SIRT5: variants seen among roughly 807,000 people sequenced by gnomAD.
SIRT5 encodes NAD-dependent protein deacylase sirtuin-5, mitochondrial.
A neutral mutation model predicts 40.0 loss-of-function variants in SIRT5; 26 were observed. The ratio of observed to expected loss-of-function variants is 0.65; its 90% confidence interval spans 0.48 to 0.90. The LOEUF is 0.90. SIRT5 is among the 40% of genes least tolerant of loss of function. The probability of loss-of-function intolerance (pLI) is 0.00; values close to 1 mark genes in which losing one functional copy is unlikely to be tolerated. For synonymous variants in SIRT5, 146 were observed against 149.1 expected (o/e 0.98, Z 0.15); for missense variants, 401 against 402.4 (o/e 1.00, Z 0.03).
intron 2 of SIRT5, among the ~76,000 whole-genome samples, chr6:13,582,271 C>CT (rs1363761436): frequency 6.6e-6 from 1 of 152,090 alleles, no homozygotes; most frequent in East Asian, 1.9e-4. Flanking sequence ...CTTGTGAATT[C>CT]TTTTTTTGTT....
At chr6:13,604,622 C>T (rs200177313) in intron 9 of SIRT5, 1 of 1,485,916 alleles carries the variant, frequency 6.7e-7, no homozygotes, top group South Asian at 1.4e-5. Context: ...GCCCCCACCT[C>T]CCATGCCATG....
At chr6:13,610,630 T>C (rs1763708246) in intron 9 of SIRT5, among the ~76,000 whole-genome samples, 1 of 152,136 alleles carries the variant, frequency 6.6e-6, no homozygotes, top group African/African-American at 2.4e-5. Context: ...TTGAAATCAC[T>C]TAAGAAAGAG....
chr6:13,604,238 A>G (rs1318935228), intron 9 of SIRT5, among the ~76,000 whole-genome samples: 1 of 152,264 alleles, frequency 6.6e-6, no homozygotes, highest in Non-Finnish European at 1.5e-5. Context: ...ATGATCTTCT[A>G]ACTTATCTCC....
chr6:13,609,088 C>T (rs531536628), intron 9 of SIRT5, among the ~76,000 whole-genome samples: 190 of 152,304 alleles, frequency 1.2e-3, no homozygotes, highest in African/African-American at 4.5e-3. Flanking sequence ...TCCCAAAGTG[C>T]TGGAATTACA....
intron 5 of SIRT5, among the ~76,000 whole-genome samples, chr6:13,592,661 T>C (rs979557762): frequency 1.3e-5 from 2 of 152,186 alleles, no homozygotes; most frequent in Non-Finnish European, 2.9e-5. Context: ...GCCTATGATG[T>C]CGGTGGAGTT....
intron 2 of SIRT5, among the ~76,000 whole-genome samples, chr6:13,580,167 G>C (rs1156925650): frequency 6.6e-6 from 1 of 152,170 alleles, no homozygotes; most frequent in Non-Finnish European, 1.5e-5. Context: ...AGACAGCCTT[G>C]TCCCCTGAGG....
chr6:13,586,561 G>A (rs191904267), intron 3 of SIRT5, among the ~76,000 whole-genome samples: 1 of 152,162 alleles, frequency 6.6e-6, no homozygotes, highest in Non-Finnish European at 1.5e-5. Context: ...GATGTGTGGT[G>A]TTATTTCTGA....
At chr6:13,578,756 C>G (rs779368904) in intron 1 of SIRT5, among the ~76,000 whole-genome samples, 2 of 151,358 alleles carry the variant, frequency 1.3e-5, no homozygotes, top group African/African-American at 4.9e-5. Context: ...TATAATCTTT[C>G]ACTTCTATCT....
At chr6:13,601,435 T>C (rs1020933217) in intron 9 of SIRT5, among the ~76,000 whole-genome samples, 5 of 152,180 alleles carry the variant, frequency 3.3e-5, no homozygotes, top group African/African-American at 1.2e-4. Flanking sequence ...GGGTGGGAAG[T>C]GTAGATTGTC....
At position 13,588,284 on chromosome 6, in the gene SIRT5, A is replaced by G. The variant is rs747854932; in HGVS notation, c.116-47A>G. On this transcript the variant is annotated intron_variant, in intron 3 of 9. Transcript: ENST00000606117. ...ATACAGACAATTGATATGGGATACA[A>G]ATGTCCAAACTGTACACTGGATTGA... The G allele has an allele frequency of 3.8e-6, 6 of 1,588,300 alleles. No homozygotes were observed. The East Asian group carries it at 1.3e-4, about 36-fold the overall frequency.
At chr6:13,582,189 G>T (rs989072485) in intron 2 of SIRT5, among the ~76,000 whole-genome samples, 2 of 152,152 alleles carry the variant, frequency 1.3e-5, no homozygotes, top group African/African-American at 4.8e-5. Context: ...AACACATATG[G>T]AAAATCCTTG....
intron 4 of SIRT5, among the ~76,000 whole-genome samples, chr6:13,591,233 T>C (rs903336597): frequency 2.6e-5 from 4 of 152,214 alleles, no homozygotes; most frequent in African/African-American, 9.7e-5. Flanking sequence ...TTCTCACCCA[T>C]GGTCATTAGA....
At chr6:13,605,393 C>G in intron 9 of SIRT5, 1 of 985,248 alleles carries the variant, frequency 1.0e-6, no homozygotes, top group Non-Finnish European at 1.2e-6. Flanking sequence ...CTAACCCCTG[C>G]TCTAGGTTAC....
Position 13,599,150 on chromosome 6 carries a change from C to G in SIRT5, c.736C>G (p.Leu246Val), listed in dbSNP as rs201991505. 93 of 1,613,662 alleles carry G rather than the reference C, an allele frequency of 5.8e-5. No individual in the cohort carries two copies. In the South Asian group the frequency reaches 1.0e-3, roughly 17 times the overall value. The stretch of plus-strand genomic sequence containing the variant: ...AGAGCTCGCCCACTGTGATTTATGT[C>G]TAGTGGTGGGTCATGCCCTTCCCTA... ...DRELAHCDLC[L>V]VVGTSSVVYP... Residue 246 changes from leucine (L) to valine (V), a missense_variant, in exon 8 of 10, where the codon CTA (leucine) becomes GTA (valine). By Grantham distance (32) the Leu-to-Val change is conservative. Transcript: ENST00000606117.
intron 8 of SIRT5, 62 bp downstream of exon 8, chr6:13,599,217 CT>C: frequency 2.6e-6 from 4 of 1,544,946 alleles, no homozygotes; most frequent in South Asian, 1.2e-5. Flanking sequence ...TTCCTTCCCC[CT>C]CTCCTCTTTT....
At position 13,612,038 on chromosome 6, in the gene SIRT5, C is replaced by T. The variant is rs1763993805; in HGVS notation, c.*173C>T. The T allele has an allele frequency of 4.1e-6, 2 of 491,936 alleles. No individual in the cohort carries two copies. The highest frequency in any genetic ancestry group is 1.9e-5 in the African/African-American group (1 of 52,476). 30.5% of individuals were successfully genotyped at this position (491,936 alleles called of 1,614,324 possible). A position where few individuals can be genotyped will look rare whatever the true frequency, so the allele number is the denominator to read the frequency against. On this transcript the variant is annotated 3_prime_UTR_variant, in exon 10 of 10. Transcript: ENST00000606117. Reference sequence around the variant, plus strand: ...ATGGGGGTTTAGAAGTAGCAAAGAGCACCCACATTCAAAAGTCACAGAACT... The same window carrying T: ...ATGGGGGTTTAGAAGTAGCAAAGAGTACCCACATTCAAAAGTCACAGAACT...
chr6:13,597,747 T>C (rs771728830), intron 7 of SIRT5, among the ~76,000 whole-genome samples: 8 of 152,132 alleles, frequency 5.3e-5, no homozygotes, highest in Non-Finnish European at 1.2e-4. Flanking sequence ...GGTTTCGCCA[T>C]GTTGGCCAGG....
chr6:13,599,381 C>T (rs1462225630), intron 8 of SIRT5, among the ~76,000 whole-genome samples: 1 of 152,060 alleles, frequency 6.6e-6, no homozygotes, highest in Non-Finnish European at 1.5e-5. Flanking sequence ...GGAAACCATG[C>T]ATGTCTTGGG....
chr6:13,606,215 G>A (rs748414641), intron 9 of SIRT5, among the ~76,000 whole-genome samples: 1 of 152,138 alleles, frequency 6.6e-6, no homozygotes, highest in Non-Finnish European at 1.5e-5. Flanking sequence ...ACATAATCTG[G>A]GATAAGAGCT....
Sources: allele counts gnomAD v4.1 joint callset (sites outside exome capture counted in the v4.1 genomes callset), GRCh38; gene constraint gnomAD v4.1.1; transcripts MANE v1.5; gene names NCBI Gene and HGNC (gene_info 2026-07-23, HGNC 2026-07-21).